The following DNAH9 variants were observed in gnomAD, a reference collection of about 807,000 sequenced individuals.
DNAH9 encodes the protein DNAH9 variant protein.
A neutral mutation model predicts 471.6 loss-of-function variants in DNAH9; 345 were observed. That is an observed-to-expected ratio of 0.73 (90% CI 0.67 to 0.80). The LOEUF (loss-of-function observed/expected upper bound fraction) is 0.80, where lower values mean the gene tolerates loss of function less well. Ranked by LOEUF, DNAH9 falls within the 30% of genes least tolerant of loss-of-function variation. DNAH9 has a pLI of 0.00. For missense variants in DNAH9, 5,407 were observed against 5,609.2 expected (o/e 0.96, Z 1.15); for synonymous variants, 2,093 against 2,123.6 (o/e 0.99, Z 0.40).
chr17:11,701,267 C>T lies in DNAH9; in HGVS notation c.5151+20C>T, dbSNP rs1435382307. 1.9e-6 allele frequency: 3 copies of T among 1,612,026 alleles called. No homozygotes were observed. Among genetic ancestry groups the T allele is most frequent in the Admixed American group, 3.3e-5 (2 of 59,960 alleles). ...GCTCAGGTATTCTCCTAATGGGATC[C>T]CCATCCTCCATGGTTGGGGCTGTCT... On this transcript the variant is annotated intron_variant, in intron 24 of 68. Transcript: ENST00000262442.
chr17:11,791,715 AAAT>A (rs1387911755), intron 41 of DNAH9, among the ~76,000 whole-genome samples: 12 of 152,168 alleles, frequency 7.9e-5, no homozygotes, highest in African/African-American at 2.9e-4. Context: ...TCTGTCACAA[AAAT>A]AATATTAAAA....
At chr17:11,643,073 C>T (rs2073308615) in intron 10 of DNAH9, among the ~76,000 whole-genome samples, 1 of 152,222 alleles carries the variant, frequency 6.6e-6, no homozygotes, top group African/African-American at 2.4e-5. Context: ...TAGAAACAAA[C>T]CACCACATAG....
chr17:11,967,241 G>A (rs1567587224), intron 68 of DNAH9, among the ~76,000 whole-genome samples: 3 of 151,720 alleles, frequency 2.0e-5, no homozygotes, highest in Non-Finnish European at 4.4e-5. Flanking sequence ...AAGTAGCTGG[G>A]ACTACAGGCA....
At chr17:11,793,478 T>C in intron 41 of DNAH9, 25 bp from the exon 42 acceptor site, 1 of 1,596,514 alleles carries the variant, frequency 6.3e-7, no homozygotes, top group East Asian at 2.2e-5. Context: ...TTAACGTTAT[T>C]TTTTTGTGTC....
At chr17:11,652,253 C>T (rs2073523874) in intron 13 of DNAH9, among the ~76,000 whole-genome samples, 1 of 146,482 alleles carries the variant, frequency 6.8e-6, no homozygotes, top group Non-Finnish European at 1.5e-5. Flanking sequence ...TCTCTTCCTC[C>T]ATAATCAGGA....
At chr17:11,865,425 C>A (rs1164439703) in intron 50 of DNAH9, among the ~76,000 whole-genome samples, 1 of 151,924 alleles carries the variant, frequency 6.6e-6, no homozygotes, top group African/African-American at 2.4e-5. Context: ...GTGGGTAACC[C>A]GACCTTTCTC....
At chr17:11,910,526 C>T (rs1021056008) in intron 61 of DNAH9, among the ~76,000 whole-genome samples, 1 of 152,120 alleles carries the variant, frequency 6.6e-6, no homozygotes, top group African/African-American at 2.4e-5. Context: ...ATTCATGTAA[C>T]AAGTTTTTGT....
chr17:11,760,461 C>T (rs527843847), intron 35 of DNAH9, among the ~76,000 whole-genome samples: 82 of 151,942 alleles, frequency 5.4e-4, no homozygotes, highest in Non-Finnish European at 8.5e-4. Context: ...AACTCTCCCC[C>T]GAACTCTCAA....
intron 51 of DNAH9, among the ~76,000 whole-genome samples, chr17:11,869,723 G>A (rs1036036608): frequency 2.6e-5 from 4 of 152,126 alleles, no homozygotes; most frequent in Admixed American, 6.5e-5. Context: ...CACATGCTCC[G>A]GCCTTCCTGG....
At chr17:11,828,059 G>T (rs571264355) in intron 48 of DNAH9, among the ~76,000 whole-genome samples, 14 of 152,242 alleles carry the variant, frequency 9.2e-5, no homozygotes, top group Middle Eastern at 6.8e-3. Context: ...AAGCGCTACT[G>T]CTGAGTCATG....
At chr17:11,798,486 T>G (rs1969338470) in intron 43 of DNAH9, among the ~76,000 whole-genome samples, 1 of 148,570 alleles carries the variant, frequency 6.7e-6, no homozygotes, top group African/African-American at 2.5e-5. Context: ...AGATAGAGGG[T>G]TTGTATTCAA....
chr17:11,937,509 C>A lies in DNAH9; in HGVS notation c.12647C>A (p.Thr4216Lys). ...DSQARDGAGA[T>K]REEKVKALLE... ...CAGGCCAGAGACGGAGCGGGCGCCA[C>A]AAGAGAAGAAAAGGTGTGTGTGGTG... The change falls in exon 66 of 69, where the codon ACA becomes AAA. Residue 4216 changes from threonine (T) to lysine (K), a missense_variant. By Grantham distance (78) the Thr-to-Lys change is moderately conservative. This residue lies in a region of DNAH9 where 4,636 missense variants were observed against 4,900.3 expected (regional missense o/e 0.95). Coordinates refer to ENST00000262442, the MANE Select transcript of DNAH9 (RefSeq NM_001372.4). This position sits in a 1 kb window ranked among gnomAD's most constrained non-coding sequence, Gnocchi z 4.1. The A allele has an allele frequency of 6.2e-7, 1 of 1,611,992 alleles. No individual in the cohort carries two copies. Among genetic ancestry groups the A allele is most frequent in the Non-Finnish European group, 8.5e-7 (1 of 1,178,750 alleles).
At chr17:11,918,674 T>C (rs949608873) in intron 61 of DNAH9, among the ~76,000 whole-genome samples, 1 of 152,058 alleles carries the variant, frequency 6.6e-6, no homozygotes, top group South Asian at 2.1e-4. Flanking sequence ...GAAGAGTGAA[T>C]AGAGACAAAG....
intron 1 of DNAH9, among the ~76,000 whole-genome samples, chr17:11,607,797 C>A (rs932312516): frequency 2.0e-5 from 3 of 151,958 alleles, no homozygotes; most frequent in African/African-American, 7.3e-5. Flanking sequence ...CTCGAACTCC[C>A]GACCTCAGGT....
chr17:11,619,199 A>C (rs1195856981), intron 5 of DNAH9, among the ~76,000 whole-genome samples: 3 of 152,152 alleles, frequency 2.0e-5, no homozygotes, highest in African/African-American at 7.2e-5. Context: ...TTATGGTCCA[A>C]ATAATTCTTG....
chr17:11,700,618 A>G (rs546897751), intron 23 of DNAH9, among the ~76,000 whole-genome samples: 1 of 152,262 alleles, frequency 6.6e-6, no homozygotes, highest in East Asian at 1.9e-4. Flanking sequence ...CACCCTTATC[A>G]CCTATATCTA....
In DNAH9 at chr17:11,905,571, C is replaced by T. The variant is rs1973567257; in HGVS notation, c.11601-90C>T. ...CCTAGCCCATGACCTTGAGCATGTTCTTTCATTTCTATAGGCCTCTATTTC... is the reference window on the plus strand; with the variant it reads ...CCTAGCCCATGACCTTGAGCATGTTTTTTCATTTCTATAGGCCTCTATTTC... On this transcript the variant is annotated intron_variant, in intron 60 of 68. Transcript: ENST00000262442. 2.1e-6 allele frequency: 3 copies of T among 1,400,734 alleles called. No homozygotes were observed. The South Asian group carries it at 4.2e-5, about 19-fold the overall frequency. 86.8% of individuals were successfully genotyped at this position (1,400,734 alleles called of 1,614,324 possible). A position where few individuals can be genotyped will look rare whatever the true frequency, so the allele number is the denominator to read the frequency against.
intron 38 of DNAH9, among the ~76,000 whole-genome samples, chr17:11,776,109 C>T (rs1384158649): frequency 6.6e-6 from 1 of 152,128 alleles, no homozygotes; most frequent in African/African-American, 2.4e-5. Context: ...GCTTTCCTCA[C>T]CTTAGTTCTT....
At chr17:11,668,105 A>C (rs1221602832) in intron 15 of DNAH9, among the ~76,000 whole-genome samples, 1 of 152,252 alleles carries the variant, frequency 6.6e-6, no homozygotes, top group Admixed American at 6.5e-5. Context: ...ATTTAAATTT[A>C]GCAAGGCAAG....
Sources: gnomAD v4.1 joint callset for allele counts (sites outside exome capture counted in the v4.1 genomes callset) on GRCh38, gnomAD v4.1.1 for gene constraint, gnomAD v4.1.1 regional missense constraint, Gnocchi (gnomAD v3.1) non-coding constraint, MANE v1.5 for transcripts, NCBI Gene and HGNC (gene_info 2026-07-23, HGNC 2026-07-21) for gene names.